C12orf42: variants seen among roughly 807,000 people sequenced by gnomAD.
C12orf42 encodes uncharacterized protein C12orf42.
C12orf42 carries 25 observed loss-of-function variants against 21.6 expected under a neutral mutation model. That is an observed-to-expected ratio of 1.16 (90% CI 0.84 to 1.62). C12orf42 has a LOEUF of 1.62. Among genes scored for constraint, C12orf42 ranks in the 40% most tolerant of loss-of-function variants. C12orf42 has a pLI of 0.00. For missense variants in C12orf42, 483 were observed against 459.3 expected (o/e 1.05, Z -0.47); for synonymous variants, 174 against 175.0 (o/e 0.99, Z 0.05).
At chr12:103,109,193 AT>A in the C12orf42 span, among the ~76,000 whole-genome samples, 2 of 152,210 alleles carry the variant, frequency 1.3e-5, no homozygotes, top group South Asian at 4.1e-4. Context: ...ATATCAAGTT[AT>A]TATAAAGCTA....
the C12orf42 span, among the ~76,000 whole-genome samples, chr12:103,119,013 T>C: frequency 6.6e-6 from 1 of 152,100 alleles, no homozygotes; most frequent in African/African-American, 2.4e-5. Context: ...TTATTAGTTC[T>C]CCTTTCACTC....
downstream of C12orf42, among the ~76,000 whole-genome samples, chr12:103,299,187 AT>A (rs1048633381): frequency 2.0e-5 from 3 of 152,082 alleles, no homozygotes; most frequent in Non-Finnish European, 2.9e-5. Context: ...TTTTAAAAAA[AT>A]ATTTGTATGT....
At chr12:103,492,796 A>G (rs1955265840) in intron 1 of C12orf42, among the ~76,000 whole-genome samples, 1 of 152,140 alleles carries the variant, frequency 6.6e-6, no homozygotes, top group Non-Finnish European at 1.5e-5. Context: ...CCTCAACAAC[A>G]GTTCAAAATT....
intron 4 of C12orf42, among the ~76,000 whole-genome samples, chr12:103,365,536 G>A (rs1411301961): frequency 6.6e-6 from 1 of 151,916 alleles, no homozygotes; most frequent in African/African-American, 2.4e-5. Flanking sequence ...AGTCAAACCT[G>A]TTGCTGTTTG....
At chr12:103,535,612 T>C in the C12orf42 span, among the ~76,000 whole-genome samples, 1 of 152,038 alleles carries the variant, frequency 6.6e-6, no homozygotes, top group East Asian at 1.9e-4. Flanking sequence ...AGATTTATTC[T>C]TCAAAAAAAT....
At chr12:103,162,436 A>T in the C12orf42 span, among the ~76,000 whole-genome samples, 1 of 152,126 alleles carries the variant, frequency 6.6e-6, no homozygotes, top group Non-Finnish European at 1.5e-5. Context: ...AGCCATAGTG[A>T]AATGGCCCTT....
At chr12:103,183,850 A>G in the C12orf42 span, among the ~76,000 whole-genome samples, 1 of 152,182 alleles carries the variant, frequency 6.6e-6, no homozygotes, top group Non-Finnish European at 1.5e-5. Context: ...TGTATTTTTA[A>G]TAATCACTAT....
upstream of C12orf42, among the ~76,000 whole-genome samples, chr12:103,497,048 A>C (rs1955578037): frequency 6.6e-6 from 1 of 152,124 alleles, no homozygotes; most frequent in Admixed American, 6.5e-5. Context: ...TCCTTTTATA[A>C]TTTCTAGATA....
the C12orf42 span, among the ~76,000 whole-genome samples, chr12:103,153,347 A>G: frequency 9.2e-5 from 14 of 152,198 alleles, no homozygotes; most frequent in African/African-American, 3.4e-4. Flanking sequence ...TTATAATTAA[A>G]ATGGTGTGTT....
At chr12:103,256,091 T>A (rs1173715216) in intron 10 of C12orf42, among the ~76,000 whole-genome samples, 38 of 46,852 alleles carry the variant, frequency 8.1e-4, no homozygotes, top group East Asian at 5.1e-3. Context: ...AAAAAATATA[T>A]ATATATATAT....
At chr12:103,086,469 ACT>A in the C12orf42 span, among the ~76,000 whole-genome samples, 1 of 150,774 alleles carries the variant, frequency 6.6e-6, no homozygotes, top group Non-Finnish European at 1.5e-5. Context: ...TGAGTACTTA[ACT>A]CTACTTCTTT....
intron 2 of C12orf42, among the ~76,000 whole-genome samples, chr12:103,436,692 G>A (rs1475366048): frequency 6.6e-6 from 1 of 152,126 alleles, no homozygotes; most frequent in Admixed American, 6.5e-5. Flanking sequence ...AATTTAACAA[G>A]AAGAGCTAAC....
At chr12:103,407,828 C>T (rs147751052) in intron 2 of C12orf42, among the ~76,000 whole-genome samples, 100 of 152,272 alleles carry the variant, frequency 6.6e-4, no homozygotes, top group African/African-American at 1.9e-3. Context: ...AAGAATTTTG[C>T]ACCCTTTAGA....
chr12:103,126,421 T>G, the C12orf42 span, among the ~76,000 whole-genome samples: 1 of 152,188 alleles, frequency 6.6e-6, no homozygotes, highest in Non-Finnish European at 1.5e-5. Context: ...ATGAGTAACT[T>G]CTTAATACAA....
chr12:103,425,144 C>A (rs1949700356), intron 2 of C12orf42, among the ~76,000 whole-genome samples: 1 of 152,206 alleles, frequency 6.6e-6, no homozygotes, highest in South Asian at 2.1e-4. Flanking sequence ...AGATTCCTCA[C>A]CTCTGGGTAG....
the C12orf42 span, among the ~76,000 whole-genome samples, chr12:103,219,763 AGATGCTGGCAAG>A: frequency 6.6e-6 from 1 of 152,242 alleles, no homozygotes; most frequent in African/African-American, 2.4e-5. Flanking sequence ...AGGAAAAAAC[AGATGCTGGCAAG>A]GATGTGGACA....
chr12:103,237,204 C>A (rs2033495367), downstream of C12orf42, among the ~76,000 whole-genome samples: 1 of 152,148 alleles, frequency 6.6e-6, no homozygotes, highest in Non-Finnish European at 1.5e-5. Context: ...ACAAAACTCC[C>A]TCAATATCAG....
chr12:103,362,574 G>A (rs569438268), intron 4 of C12orf42, among the ~76,000 whole-genome samples: 199 of 152,178 alleles, frequency 1.3e-3, no homozygotes, highest in Admixed American at 5.8e-3. Context: ...AAAAGGTGAA[G>A]TCCAATTTAA....
chr12:103,553,487 C>A, the C12orf42 span, among the ~76,000 whole-genome samples: 2 of 152,168 alleles, frequency 1.3e-5, no homozygotes, highest in African/African-American at 4.8e-5. Flanking sequence ...TCCCATCCTC[C>A]TCCTGAAAGG....
Sources: allele counts gnomAD v4.1 joint callset (sites outside exome capture counted in the v4.1 genomes callset), GRCh38; gene constraint gnomAD v4.1.1; transcripts MANE v1.5; gene names NCBI Gene and HGNC (gene_info 2026-07-23, HGNC 2026-07-21).